Variants in RAB30 observed in about 807,000 individuals in gnomAD.
The protein encoded by RAB30 is ras-related protein Rab-30.
A neutral mutation model predicts 25.1 loss-of-function variants in RAB30; 9 were observed. The ratio of observed to expected loss-of-function variants is 0.36; its 90% CI spans 0.22 to 0.63. RAB30 has a LOEUF of 0.63. RAB30 is among the 20% of genes least tolerant of loss of function. The pLI is 0.69. For synonymous variants in RAB30, 77 were observed against 86.4 expected, an observed-to-expected ratio of 0.89 and a Z score of 0.60; for missense variants, 140 against 243.5, an observed-to-expected ratio of 0.58 and a Z score of 2.83.
At chr11:83,059,312 T>C (rs1178187212) in intron 1 of RAB30, among the ~76,000 whole-genome samples, 1 of 152,248 alleles carries the variant, frequency 6.6e-6, no homozygotes, top group African/African-American at 2.4e-5. Flanking sequence ...AAATATATAC[T>C]GTTCTGCACC....
chr11:83,024,970 C>CAATAGGGT (rs1857674530), intron 1 of RAB30, among the ~76,000 whole-genome samples: 1 of 152,146 alleles, frequency 6.6e-6, no homozygotes, highest in African/African-American at 2.4e-5. Flanking sequence ...AGTAGGAAAC[C>CAATAGGGT]CTATTTAACT....
At chr11:83,053,819 A>T (rs1373131085) in intron 1 of RAB30, among the ~76,000 whole-genome samples, 1 of 152,198 alleles carries the variant, frequency 6.6e-6, no homozygotes, top group African/African-American at 2.4e-5. Flanking sequence ...GCCAAGTGTT[A>T]TGGTTCATGC....
chr11:83,015,024 A>T lies in RAB30; in HGVS notation c.-8-17700T>A, dbSNP rs117057939. Among the ~76,000 whole-genome samples the T allele has an allele frequency of 8.3e-4, 127 of 152,262 alleles. 4 individuals are homozygous for T. In the East Asian group the frequency reaches 0.023, roughly 28 times the overall value. On this transcript the variant is annotated intron_variant, in intron 1 of 4. Transcript: ENST00000527633. ...TGAGCACATGGTCAACAAGAAGAGA[A>T]CTGGGAGACTGCTGTGGGACAGGTC...
rs966076807 is a variant in RAB30 at position 82,977,195 on chromosome 11, T to C, written c.*4970A>G. 2.3e-4 allele frequency: 35 copies of C among 152,148 alleles called. No homozygotes were observed. The highest frequency in any genetic ancestry group is 4.9e-4 in the Non-Finnish European group (33 of 68,018). The allele number at this position is 152,148 out of a possible 1,614,324, so 9.4% of individuals were successfully genotyped here. ...CTTCATGTAACTTCTACTAAAACAA[T>C]ACCTTTTGATTCAACAGGACATCAA... On this transcript the variant is annotated 3_prime_UTR_variant, in exon 5 of 5. Transcript: ENST00000527633.
chr11:83,005,066 C>A (rs1159050812), intron 1 of RAB30, among the ~76,000 whole-genome samples: 1 of 152,182 alleles, frequency 6.6e-6, no homozygotes, highest in Non-Finnish European at 1.5e-5. Context: ...TCCTTATTCA[C>A]CAGACTGTAA....
rs28552696 is a variant in RAB30, at chr11:82,987,946, A to T, written c.178-176T>A. Among the ~76,000 whole-genome samples the T allele has an allele frequency of 2.2e-4, 6 of 27,160 alleles. No individual in the cohort carries two copies. The South Asian group carries it at 2.9e-3, about 13-fold the overall frequency. 17.8% of individuals were successfully genotyped at this position (27,160 alleles called of 152,430 possible). On this transcript the variant is annotated intron_variant, in intron 3 of 4. Transcript: ENST00000527633. ...AAAAAAAAAAAAAGCACTGAAAATTAAAAAAAAAAAAATCTGTTGGGTGTG... is the reference window on the plus strand; with the variant it reads ...AAAAAAAAAAAAAGCACTGAAAATTTAAAAAAAAAAAATCTGTTGGGTGTG...
At chr11:83,050,277 A>T (rs2121517903) in intron 1 of RAB30, among the ~76,000 whole-genome samples, 1 of 152,072 alleles carries the variant, frequency 6.6e-6, no homozygotes, top group South Asian at 2.1e-4. Context: ...AGACTTTAAT[A>T]ATAGGACCTG....
chr11:83,041,939 G>C (rs2121515559), intron 1 of RAB30, among the ~76,000 whole-genome samples: 1 of 151,664 alleles, frequency 6.6e-6, no homozygotes, highest in East Asian at 1.9e-4. Flanking sequence ...CTACTCAGGA[G>C]GCTGAGGCAG....
At chr11:83,021,763 G>A (rs1447302381) in intron 1 of RAB30, among the ~76,000 whole-genome samples, 1 of 152,344 alleles carries the variant, frequency 6.6e-6, no homozygotes, top group Admixed American at 6.5e-5. Flanking sequence ...GAAAAGCAAC[G>A]CCCCAAAGAT....
chr11:83,009,028 T>G (rs117061280), intron 1 of RAB30, among the ~76,000 whole-genome samples: 1 of 151,978 alleles, frequency 6.6e-6, no homozygotes, highest in African/African-American at 2.4e-5. Flanking sequence ...CTCCTTAAAG[T>G]TGAATTCAAC....
intron 1 of RAB30, among the ~76,000 whole-genome samples, chr11:83,017,543 TCCC>T (rs900025077): frequency 3.3e-5 from 5 of 151,494 alleles, no homozygotes; most frequent in Admixed American, 2.6e-4. Flanking sequence ...CTCCCACCTT[TCCC>T]CCCAAGTCCC....
In RAB30 at chr11:82,981,469, T is replaced by A. The variant is rs769433682; in HGVS notation, c.*696A>T. ...CATGGACTTCCCCCATTTTTTTATTTCTATATAACACATTTAAGGACATTA... is the reference window on the plus strand; with the variant it reads ...CATGGACTTCCCCCATTTTTTTATTACTATATAACACATTTAAGGACATTA... On this transcript the variant is annotated 3_prime_UTR_variant, in exon 5 of 5. Coordinates refer to ENST00000527633, the MANE Select transcript of RAB30 (RefSeq NM_001286060.2). 1.3e-5 allele frequency: 2 copies of A among 152,608 alleles called. No individual in the cohort carries two copies. The highest frequency in any genetic ancestry group is 2.9e-5 in the Non-Finnish European group (2 of 68,024). 9.5% of individuals were successfully genotyped at this position (152,608 alleles called of 1,614,324 possible).
At chr11:83,036,422 C>A (rs1565285237) in intron 1 of RAB30, among the ~76,000 whole-genome samples, 1 of 152,162 alleles carries the variant, frequency 6.6e-6, no homozygotes, top group Non-Finnish European at 1.5e-5. Context: ...CCTGCCTCGG[C>A]CTCCCAAAGT....
intron 3 of RAB30, among the ~76,000 whole-genome samples, chr11:82,990,202 C>T (rs1307264366): frequency 6.6e-6 from 1 of 152,230 alleles, no homozygotes; most frequent in African/African-American, 2.4e-5. Flanking sequence ...ACTCCATTGC[C>T]TCACCGTCAT....
intron 1 of RAB30, among the ~76,000 whole-genome samples, chr11:83,020,069 G>A (rs534829996): frequency 2.3e-4 from 35 of 152,360 alleles, no homozygotes; most frequent in Middle Eastern, 3.4e-3. Context: ...CTTCTGAACT[G>A]GGGAGGGAGC....
intron 1 of RAB30, among the ~76,000 whole-genome samples, chr11:83,046,261 G>C (rs1428463041): frequency 6.6e-6 from 1 of 152,146 alleles, no homozygotes; most frequent in African/African-American, 2.4e-5. Flanking sequence ...CTTCCCTCGG[G>C]ACCAAAGCTA....
intron 1 of RAB30, among the ~76,000 whole-genome samples, chr11:83,022,161 G>C (rs903055537): frequency 6.6e-6 from 1 of 151,944 alleles, no homozygotes; most frequent in African/African-American, 2.4e-5. Flanking sequence ...TGGGGGTGAA[G>C]GGGTGGGAGA....
chr11:83,061,492 T>C (rs1035207733), intron 1 of RAB30, among the ~76,000 whole-genome samples: 1 of 152,104 alleles, frequency 6.6e-6, no homozygotes, highest in African/African-American at 2.4e-5. Context: ...CATGGGAGAA[T>C]GTCCTTGTTC....
intron 1 of RAB30, among the ~76,000 whole-genome samples, chr11:83,031,037 CAT>C (rs1363238822): frequency 6.6e-6 from 1 of 152,128 alleles, no homozygotes; most frequent in Non-Finnish European, 1.5e-5. Flanking sequence ...TGGGAGTGTG[CAT>C]ATATAGAGAA....
Sources: allele counts gnomAD v4.1 joint callset (sites outside exome capture counted in the v4.1 genomes callset), GRCh38; gene constraint gnomAD v4.1.1; transcripts MANE v1.5; gene names NCBI Gene and HGNC (gene_info 2026-07-23, HGNC 2026-07-21).